EXOC6B: variants seen among roughly 807,000 people sequenced by gnomAD.
The protein encoded by EXOC6B is exocyst complex component 6B, also known as SEC15 homolog B.
EXOC6B carries 54 observed loss-of-function variants against 113.5 expected under a neutral mutation model. That is an observed-to-expected ratio of 0.48 (90% CI 0.38 to 0.60). The LOEUF is 0.60. Among genes scored for constraint, EXOC6B ranks in the 20% least tolerant of loss-of-function variants. The pLI, the probability that EXOC6B is intolerant of heterozygous loss-of-function variation, is 0.00. For synonymous variants in EXOC6B, 357 were observed against 339.0 expected, an observed-to-expected ratio of 1.05 and a Z score of -0.58; for missense variants, 797 against 977.5, an observed-to-expected ratio of 0.82 and a Z score of 2.46.
chr2:72,380,226 GAATA>G (rs1291846091), intron 18 of EXOC6B, among the ~76,000 whole-genome samples: 1 of 151,930 alleles, frequency 6.6e-6, no homozygotes, highest in Non-Finnish European at 1.5e-5. Context: ...ATTCCACAGA[GAATA>G]AATTTCAAAA....
chr2:72,405,609 A>C (rs1693688827), intron 18 of EXOC6B, among the ~76,000 whole-genome samples: 1 of 152,334 alleles, frequency 6.6e-6, no homozygotes, highest in Middle Eastern at 3.4e-3. Context: ...ACGAAGCTTC[A>C]TAAGTGAAGG....
chr2:72,733,796 T>C (rs952047696), intron 2 of EXOC6B, among the ~76,000 whole-genome samples: 9 of 152,212 alleles, frequency 5.9e-5, no homozygotes, highest in Non-Finnish European at 1.3e-4. Context: ...AATTTCCTCA[T>C]CATCTGTGAT....
chr2:72,325,832 A>T (rs1019802268), intron 20 of EXOC6B, among the ~76,000 whole-genome samples: 1 of 151,822 alleles, frequency 6.6e-6, no homozygotes, highest in Non-Finnish European at 1.5e-5. Context: ...TGGTTCCTGG[A>T]CTTGCCCTAG....
At chr2:72,711,151 A>T (rs1369765742) in intron 6 of EXOC6B, among the ~76,000 whole-genome samples, 1 of 152,226 alleles carries the variant, frequency 6.6e-6, no homozygotes, top group Non-Finnish European at 1.5e-5. Flanking sequence ...GAAAACTAGA[A>T]AACAGTCGAC....
chr2:72,484,571 A>G (rs1352838724), intron 16 of EXOC6B, among the ~76,000 whole-genome samples: 1 of 149,922 alleles, frequency 6.7e-6, no homozygotes, highest in Non-Finnish European at 1.5e-5. Context: ...CGTCACAAAA[A>G]AAAAAAAAAA....
chr2:72,309,987 A>G (rs907986248), intron 20 of EXOC6B, among the ~76,000 whole-genome samples: 1 of 152,178 alleles, frequency 6.6e-6, no homozygotes, highest in Admixed American at 6.5e-5. Context: ...TTGATGGCTG[A>G]ATAATATTCC....
Position 72,640,788 on chromosome 2 carries a change from G to A in EXOC6B, c.670-65120C>T, listed in dbSNP as rs1673168182. 2.6e-5 allele frequency among the ~76,000 whole-genome samples: 4 copies of A among 151,998 alleles called. No individual in the cohort carries two copies. The South Asian group carries it at 8.3e-4, about 32-fold the overall frequency. On this transcript the variant is annotated intron_variant, in intron 6 of 21. Coordinates refer to ENST00000272427, the MANE Select transcript of EXOC6B (RefSeq NM_015189.3). ...AAAGGGATGGAGAAAAATCTGCCAA[G>A]CAAATAGAAAACAAAAAAGCAGGGG... is the stretch of plus-strand genomic sequence containing the variant.
chr2:72,232,830 G>C (rs1260702799), intron 20 of EXOC6B, among the ~76,000 whole-genome samples: 1 of 152,110 alleles, frequency 6.6e-6, no homozygotes, highest in African/African-American at 2.4e-5. Context: ...CCTAGCCTTT[G>C]GCAGGCTGAG....
chr2:72,369,486 T>A (rs1250849083), intron 19 of EXOC6B, among the ~76,000 whole-genome samples: 1 of 152,172 alleles, frequency 6.6e-6, no homozygotes, highest in African/African-American at 2.4e-5. Flanking sequence ...ACCAATGACT[T>A]GCTTCACAGA....
intron 1 of EXOC6B, among the ~76,000 whole-genome samples, chr2:72,773,985 A>G (rs1361488077): frequency 6.6e-6 from 1 of 152,208 alleles, no homozygotes; most frequent in Non-Finnish European, 1.5e-5. Context: ...CCACATCAGT[A>G]AATTTTTTGT....
At chr2:72,615,607 C>T (rs1238030240) in intron 6 of EXOC6B, among the ~76,000 whole-genome samples, 1 of 147,042 alleles carries the variant, frequency 6.8e-6, no homozygotes, top group South Asian at 2.1e-4. Flanking sequence ...AAAAAAAAAC[C>T]ACTGTGTGGC....
chr2:72,739,227 A>C (rs1435363853), intron 2 of EXOC6B, among the ~76,000 whole-genome samples: 1 of 152,222 alleles, frequency 6.6e-6, no homozygotes, highest in African/African-American at 2.4e-5. Context: ...ATCCTTGTAC[A>C]TGCACTTACA....
intron 21 of EXOC6B, among the ~76,000 whole-genome samples, chr2:72,183,747 G>A (rs1678239330): frequency 6.6e-6 from 1 of 151,180 alleles, no homozygotes; most frequent in Non-Finnish European, 1.5e-5. Flanking sequence ...GCTGGCCTGA[G>A]CCCCAAACCG....
At chr2:72,418,135 T>C (rs1694646133) in intron 18 of EXOC6B, among the ~76,000 whole-genome samples, 1 of 152,242 alleles carries the variant, frequency 6.6e-6, no homozygotes, top group Non-Finnish European at 1.5e-5. Flanking sequence ...TATATAGCTT[T>C]CTATTATGTA....
intron 18 of EXOC6B, among the ~76,000 whole-genome samples, chr2:72,439,497 C>T (rs1012614315): frequency 7.9e-5 from 12 of 152,084 alleles, no homozygotes; most frequent in African/African-American, 2.9e-4. Flanking sequence ...CTTTAATCTG[C>T]CTGATCTATT....
Position 72,492,334 on chromosome 2 carries a change from T to G in EXOC6B, c.1649A>C (p.Asn550Thr), listed in dbSNP as rs779595686. 6.2e-7 allele frequency: 1 copy of G among 1,611,736 alleles called. No individual in the cohort carries two copies. Among genetic ancestry groups the G allele is most frequent in the Admixed American group, 1.7e-5 (1 of 59,978 alleles). Residue 550 changes from asparagine (N) to threonine (T), a missense_variant, in exon 16 of 22, where the codon AAT becomes ACT. Transcript: ENST00000272427. ...NSLQNVIKRKNIGLTELVQII... is the reference protein window; with the variant it reads ...NSLQNVIKRKTIGLTELVQII... ...CAGGTTTACCTCAGTAAGCCCAATATTCTTCCTTTTAATTACATTCTGCAG... is the reference window on the plus strand; with the variant it reads ...CAGGTTTACCTCAGTAAGCCCAATAGTCTTCCTTTTAATTACATTCTGCAG...
intron 20 of EXOC6B, among the ~76,000 whole-genome samples, chr2:72,279,886 C>A (rs954643451): frequency 1.3e-5 from 2 of 152,052 alleles, no homozygotes; most frequent in African/African-American, 2.4e-5. Flanking sequence ...AAGTGATCCA[C>A]CCACCTCAGC....
At chr2:72,607,812 T>A (rs1196958796) in intron 6 of EXOC6B, among the ~76,000 whole-genome samples, 1 of 152,112 alleles carries the variant, frequency 6.6e-6, no homozygotes. Context: ...GGTTTTCAAG[T>A]GGGTGGTCAG....
chr2:72,754,552 A>C (rs1223137920), intron 1 of EXOC6B, among the ~76,000 whole-genome samples: 1 of 151,442 alleles, frequency 6.6e-6, no homozygotes, highest in Non-Finnish European at 1.5e-5. Context: ...CTACAATAAC[A>C]GTCTCTTGCA....
Sources: gnomAD v4.1 joint callset for allele counts (sites outside exome capture counted in the v4.1 genomes callset) on GRCh38, gnomAD v4.1.1 for gene constraint, MANE v1.5 for transcripts, NCBI Gene and HGNC (gene_info 2026-07-23, HGNC 2026-07-21) for gene names.